The following VPS4A variants were observed in gnomAD, a reference collection of about 807,000 sequenced individuals.
VPS4A encodes vacuolar protein sorting 4 homolog A.
VPS4A carries 20 observed loss-of-function variants against 52.3 expected under a neutral mutation model. That is an observed-to-expected ratio of 0.38 (90% CI 0.27 to 0.56). VPS4A has a LOEUF of 0.56. Ranked by LOEUF, VPS4A falls within the 20% of genes least tolerant of loss-of-function variation. The pLI is 0.72. For missense variants in VPS4A, 419 were observed against 575.9 expected (o/e 0.73, Z 2.79); for synonymous variants, 293 against 227.7 (o/e 1.29, Z -2.58).
At position 69,318,636 on chromosome 16, in the gene VPS4A, G is replaced by A. The variant is rs561755092; in HGVS notation, c.282-14G>A. ...CTGAAGGGCCAGCTTGTGACTTTCC[G>A]TCTCCCTTCCCAGCAGTGACAGTGA... On this transcript the variant is annotated splice_polypyrimidine_tract_variant and intron_variant, in intron 3 of 10. Coordinates refer to ENST00000254950, the MANE Select transcript of VPS4A (RefSeq NM_013245.3). 257 of 1,600,896 alleles carry A rather than the reference G, an allele frequency of 1.6e-4. 1 individual carries two copies. Among genetic ancestry groups the A allele is most frequent in the South Asian group, 1.1e-3 (99 of 89,568 alleles).
chr16:69,320,493 C>A lies in VPS4A; in HGVS notation c.770-195C>A. 1.2e-6 allele frequency: 1 copy of A among 815,492 alleles called. No individual in the cohort carries two copies. Among genetic ancestry groups the A allele is most frequent in the Non-Finnish European group, 1.9e-6 (1 of 525,278 alleles). 50.5% of individuals were successfully genotyped at this position (815,492 alleles called of 1,614,324 possible). On this transcript the variant is annotated intron_variant, in intron 7 of 10. Coordinates refer to ENST00000254950, the MANE Select transcript of VPS4A (RefSeq NM_013245.3). This position sits in a 1 kb window ranked among gnomAD's most constrained non-coding sequence, Gnocchi z 4.2. ...ACGGGCCACTCCACCCCTCCCATGG[C>A]AGGCAGTGCCATAGGTCTCACCTGG... is the stretch of plus-strand genomic sequence containing the variant.
rs1260437038 is a variant in VPS4A, at chr16:69,322,526, G to A, written c.1072-34G>A. 4 of 1,589,204 alleles carry A rather than the reference G, an allele frequency of 2.5e-6. No individual in the cohort carries two copies. The African/African-American group carries it at 5.4e-5, about 21-fold the overall frequency. ...GGGTCGAGCCCCTCTGACACTGAGG[G>A]GCAGCTGCCCCAGTCAGATCCATTT... On this transcript the variant is annotated intron_variant, in intron 9 of 10. Coordinates refer to ENST00000254950, the MANE Select transcript of VPS4A (RefSeq NM_013245.3).
rs763376764 is a variant in VPS4A, at chr16:69,322,681, T to C, written c.1193T>C (p.Leu398Ser). ...TWMDVPGDKL[L>S]EPVVCMSDML... Reference sequence around the variant, plus strand: ...ATGGATGTCCCTGGGGACAAACTCTTAGAGCCTGTGGTTTGCATGGTAAGT... The same window carrying C: ...ATGGATGTCCCTGGGGACAAACTCTCAGAGCCTGTGGTTTGCATGGTAAGT... Residue 398 changes from leucine to serine, a missense_variant, in exon 10 of 11, where the codon TTA becomes TCA. By Grantham distance (145) the Leu-to-Ser change is moderately radical. This residue lies in a region of VPS4A where 185 missense variants were observed against 200.2 expected (regional missense o/e 0.92). Transcript: ENST00000254950. The C allele has an allele frequency of 6.2e-5, 100 of 1,613,484 alleles. No individual in the cohort carries two copies. The highest frequency in any genetic ancestry group is 8.1e-5 in the Non-Finnish European group (95 of 1,179,672).
chr16:69,319,181 G>A (rs1022199211), intron 5 of VPS4A, among the ~76,000 whole-genome samples: 1 of 150,200 alleles, frequency 6.7e-6, no homozygotes, highest in East Asian at 1.9e-4. Flanking sequence ...GCAAGGTCAT[G>A]GGGTCATAGC....
In VPS4A at chr16:69,324,253, G is replaced by T; in HGVS notation, c.1258G>T (p.Ala420Ser). ...SLATTRPTVN[A>S]DDLLKVKKFS... ...GGCCACCACCCGGCCCACGGTGAAT[G>T]CAGACGACCTCCTGAAAGTGAAGAA... The change falls in exon 11 of 11, where the codon GCA (alanine) becomes TCA (serine). Residue 420 changes from alanine (A) to serine (S), a missense_variant. This residue lies in a region of VPS4A where 185 missense variants were observed against 200.2 expected (regional missense o/e 0.92). Coordinates refer to ENST00000254950, the MANE Select transcript of VPS4A (RefSeq NM_013245.3). The T allele has an allele frequency of 1.2e-6, 2 of 1,613,934 alleles. No individual in the cohort carries two copies. The highest frequency in any genetic ancestry group is 1.7e-6 in the Non-Finnish European group (2 of 1,179,874).
chr16:69,317,859 A>C (rs1380165799), intron 3 of VPS4A, among the ~76,000 whole-genome samples: 1 of 150,588 alleles, frequency 6.6e-6, no homozygotes, highest in Non-Finnish European at 1.5e-5. Context: ...GGCTGACGCC[A>C]GAGAATTCAG....
rs1461039462 is a variant in VPS4A at position 69,326,603 on chromosome 16, T to C, written c.*2294T>C. On this transcript the variant is annotated 3_prime_UTR_variant, in exon 11 of 11. Coordinates refer to ENST00000254950, the MANE Select transcript of VPS4A (RefSeq NM_013245.3). The stretch of plus-strand genomic sequence containing the variant: ...AGCGTGAAGACACCTGACTTTCCAG[T>C]TGTCTCTCTCCATGACCAGCAACAG... 1 of 152,238 alleles carries C rather than the reference T, an allele frequency of 6.6e-6. No homozygotes were observed. Among genetic ancestry groups the C allele is most frequent in the Non-Finnish European group, 1.5e-5 (1 of 68,052 alleles). 9.4% of individuals were successfully genotyped at this position (152,238 alleles called of 1,614,324 possible). A position where few individuals can be genotyped will look rare whatever the true frequency, so the allele number is the denominator to read the frequency against.
chr16:69,320,424 C>T lies in VPS4A; in HGVS notation c.769+135C>T, dbSNP rs1333847809. The T allele has an allele frequency of 4.6e-6, 6 of 1,307,812 alleles. No homozygotes were observed. Among genetic ancestry groups the T allele is most frequent in the Admixed American group, 2.6e-5 (1 of 39,080 alleles). 81.0% of individuals were successfully genotyped at this position (1,307,812 alleles called of 1,614,324 possible). ...TCCCCAGCTCCAGCCCCTCAGGGCACGGGTGGACTTCAATTCCCAAGAGGT... is the reference window on the plus strand; with the variant it reads ...TCCCCAGCTCCAGCCCCTCAGGGCATGGGTGGACTTCAATTCCCAAGAGGT... On this transcript the variant is annotated intron_variant, in intron 7 of 10. Coordinates refer to ENST00000254950, the MANE Select transcript of VPS4A (RefSeq NM_013245.3). The surrounding 1 kb of genome is among the most constrained non-coding windows in gnomAD (Gnocchi z 4.2).
chr16:69,311,543 C>A lies in VPS4A; in HGVS notation c.21+11C>A. Reference sequence around the variant, plus strand: ...ACGTCAACCCTCCAGGTACTTCGTGCGGCCCGGCCCGACTTCGGAGGCCGA... The same window carrying A: ...ACGTCAACCCTCCAGGTACTTCGTGAGGCCCGGCCCGACTTCGGAGGCCGA... On this transcript the variant is annotated intron_variant, in intron 1 of 10. Coordinates refer to ENST00000254950, the MANE Select transcript of VPS4A (RefSeq NM_013245.3). The A allele has an allele frequency of 7.6e-7, 1 of 1,316,202 alleles. No individual in the cohort carries two copies. The highest frequency in any genetic ancestry group is 9.8e-7 in the Non-Finnish European group (1 of 1,019,936). The allele number at this position is 1,316,202 out of a possible 1,614,324, so 81.5% of individuals were successfully genotyped here. A position where few individuals can be genotyped will look rare whatever the true frequency, so the allele number is the denominator to read the frequency against.
Position 69,316,379 on chromosome 16 carries a change from G to A in VPS4A, c.281+7G>A, listed in dbSNP as rs1965437096. The A allele has an allele frequency of 1.2e-6, 2 of 1,613,364 alleles. No homozygotes were observed. The highest frequency in any genetic ancestry group is 1.7e-6 in the Non-Finnish European group (2 of 1,179,572). ...ACCAGAGTGAGGGCAAGGGGTGAGTGTCTGCAGCGTCCGCCCAGGAACCTG... is the reference window on the plus strand; with the variant it reads ...ACCAGAGTGAGGGCAAGGGGTGAGTATCTGCAGCGTCCGCCCAGGAACCTG... On this transcript the variant is annotated splice_region_variant and intron_variant, in intron 3 of 10. Transcript: ENST00000254950.
chr16:69,316,388 G>A lies in VPS4A; in HGVS notation c.281+16G>A, dbSNP rs370802034. Reference sequence around the variant, plus strand: ...AGGGCAAGGGGTGAGTGTCTGCAGCGTCCGCCCAGGAACCTGGGCCCTCCT... The same window carrying A: ...AGGGCAAGGGGTGAGTGTCTGCAGCATCCGCCCAGGAACCTGGGCCCTCCT... On this transcript the variant is annotated intron_variant, in intron 3 of 10. Transcript: ENST00000254950. 33 of 1,612,616 alleles carry A rather than the reference G, an allele frequency of 2.0e-5. No homozygotes were observed. The highest frequency in any genetic ancestry group is 2.5e-5 in the Non-Finnish European group (29 of 1,179,268).
chr16:69,323,625 C>A, intron 10 of VPS4A: 1 of 456,040 alleles, frequency 2.2e-6, no homozygotes, highest in Non-Finnish European at 4.4e-6. Context: ...CAAGGGTCTG[C>A]CCTTGTGGCT....
Position 69,320,674 on chromosome 16 carries a change from C to T in VPS4A, c.770-14C>T, listed in dbSNP as rs750824426. On this transcript the variant is annotated splice_polypyrimidine_tract_variant and intron_variant, in intron 7 of 10. Transcript: ENST00000254950. The surrounding 1 kb of genome is among the most constrained non-coding windows in gnomAD (Gnocchi z 4.2). ...GTGTCCAGAGTCTGAGTCTTTGTCT[C>T]CCTTTCTCCACAGGGGTGGGGAATA... 8 of 1,591,242 alleles carry T rather than the reference C, an allele frequency of 5.0e-6. No individual in the cohort carries two copies. In the South Asian group the frequency reaches 9.2e-5, roughly 18 times the overall value.
intron 1 of VPS4A, among the ~76,000 whole-genome samples, chr16:69,315,362 G>A (rs1190411400): frequency 6.6e-6 from 1 of 152,212 alleles, no homozygotes; most frequent in Non-Finnish European, 1.5e-5. Context: ...GAGCAAGCAA[G>A]TACTTTTCTT....
Position 69,316,109 on chromosome 16 carries a change from C to T in VPS4A, c.123C>T (p.His41=), listed in dbSNP as rs112750587. ...LYQHAVEYFL[H]AIKYEAHSDK... Reference sequence around the variant, plus strand: ...AGCATGCGGTGGAGTACTTCCTCCACGCTATCAAGTGTGAGTCACACGAGG... The same window carrying T: ...AGCATGCGGTGGAGTACTTCCTCCATGCTATCAAGTGTGAGTCACACGAGG... The change falls in exon 2 of 11, where the codon CAC becomes CAT. Residue 41 remains histidine, a synonymous_variant. Transcript: ENST00000254950. The T allele has an allele frequency of 3.1e-6, 5 of 1,613,378 alleles. No homozygotes were observed. The African/African-American group carries it at 5.3e-5, about 17-fold the overall frequency.
In VPS4A at chr16:69,324,372, C is replaced by T; in HGVS notation, c.*63C>T. ...TGATTGGGGCAAATCCAGGCACTCCCCATGTCAACAGCCAGACAGGGCTCC... is the reference window on the plus strand; with the variant it reads ...TGATTGGGGCAAATCCAGGCACTCCTCATGTCAACAGCCAGACAGGGCTCC... On this transcript the variant is annotated 3_prime_UTR_variant, in exon 11 of 11. Transcript: ENST00000254950. 1 of 1,516,244 alleles carries T rather than the reference C, an allele frequency of 6.6e-7. No homozygotes were observed. The highest frequency in any genetic ancestry group is 1.4e-5 in the African/African-American group (1 of 73,176). The allele number at this position is 1,516,244 out of a possible 1,614,324, so 93.9% of individuals were successfully genotyped here.
At position 69,320,796 on chromosome 16, in the gene VPS4A, G is replaced by A. The variant is rs183551404; in HGVS notation, c.851+27G>A. On this transcript the variant is annotated intron_variant, in intron 8 of 10. Coordinates refer to ENST00000254950, the MANE Select transcript of VPS4A (RefSeq NM_013245.3). This position sits in a 1 kb window ranked among gnomAD's most constrained non-coding sequence, Gnocchi z 4.2. ...TGAGTCTTCCCCAGGAGAAGCCAGGGCTGGAGGCTTCCTCCCACCATGGTC... is the reference window on the plus strand; with the variant it reads ...TGAGTCTTCCCCAGGAGAAGCCAGGACTGGAGGCTTCCTCCCACCATGGTC... 6.3e-7 allele frequency: 1 copy of A among 1,581,200 alleles called. No individual in the cohort carries two copies. The highest frequency in any genetic ancestry group is 1.3e-5 in the African/African-American group (1 of 74,310).
chr16:69,317,522 G>A (rs1033365513), intron 3 of VPS4A, among the ~76,000 whole-genome samples: 1 of 152,148 alleles, frequency 6.6e-6, no homozygotes, highest in Non-Finnish European at 1.5e-5. Context: ...GGCCGGGCGC[G>A]GTGGCTCACG....
intron 3 of VPS4A, among the ~76,000 whole-genome samples, chr16:69,317,647 G>A (rs1965454247): frequency 6.6e-6 from 1 of 152,120 alleles, no homozygotes; most frequent in African/African-American, 2.4e-5. Context: ...CAAAATATTA[G>A]CCGGGCGTGG....
Sources: gnomAD v4.1 joint callset for allele counts (sites outside exome capture counted in the v4.1 genomes callset) on GRCh38, gnomAD v4.1.1 for gene constraint, gnomAD v4.1.1 regional missense constraint, Gnocchi (gnomAD v3.1) non-coding constraint, MANE v1.5 for transcripts, NCBI Gene and HGNC (gene_info 2026-07-23, HGNC 2026-07-21) for gene names.